The following ADAM23 variants were observed in gnomAD, a reference collection of about 807,000 sequenced individuals.
The protein encoded by ADAM23 is ADAM metallopeptidase domain 23.
ADAM23 carries 33 observed loss-of-function variants against 120.1 expected under a neutral mutation model. The ratio of observed to expected loss-of-function variants is 0.27; its 90% CI spans 0.21 to 0.37. The LOEUF is 0.37. Among genes scored for constraint, ADAM23 ranks in the 10% least tolerant of loss-of-function variants. ADAM23 has a pLI of 1.00. For missense variants in ADAM23, 862 were observed against 1,058.2 expected, an observed-to-expected ratio of 0.81 and a Z score of 2.57; for synonymous variants, 367 against 375.2, an observed-to-expected ratio of 0.98 and a Z score of 0.25.
At chr2:206,553,902 C>T (rs1280288909) in intron 9 of ADAM23, among the ~76,000 whole-genome samples, 2 of 152,060 alleles carry the variant, frequency 1.3e-5, no homozygotes, top group African/African-American at 4.8e-5. Context: ...TAATTCTCAC[C>T]TTCGGGTTGA....
chr2:206,596,131 C>T lies in ADAM23; in HGVS notation c.2328C>T (p.Asn776=). ...GCAGTATCCGGGATCCAGTTAGGAA[C>T]CTTCACCCCCCCAAGGATGAAGGAC... is the stretch of plus-strand genomic sequence containing the variant. ...TDCSIRDPVR[N]LHPPKDEGPK... is the part of the protein sequence containing the mutation. The change falls in exon 24 of 26, where the codon AAC becomes AAT. Residue 776 remains asparagine, a synonymous_variant. Transcript: ENST00000264377. 6.2e-7 allele frequency: 1 copy of T among 1,614,048 alleles called. No individual in the cohort carries two copies.
chr2:206,513,822 T>C (rs572391491), intron 3 of ADAM23, among the ~76,000 whole-genome samples: 78 of 152,332 alleles, frequency 5.1e-4, no homozygotes, highest in African/African-American at 1.7e-3. Flanking sequence ...AAGCCAGTGC[T>C]CATTTAGCAT....
rs1179469177 is a variant in ADAM23, at chr2:206,480,328, G to GGT, written c.433-901_433-900dup. Among the ~76,000 whole-genome samples the GGT allele has an allele frequency of 2.0e-5, 3 of 152,212 alleles. No homozygotes were observed. The East Asian group carries it at 5.8e-4, about 29-fold the overall frequency. ...GGGAGATGCCTGGTGTGTTCATGCT[G>GGT]GTGTCCAGTTACCATGCATGAAGCA... On this transcript the variant is annotated intron_variant, in intron 2 of 25. Coordinates refer to ENST00000264377, the MANE Select transcript of ADAM23 (RefSeq NM_003812.4).
At position 206,592,549 on chromosome 2, in the gene ADAM23, G is replaced by A. The variant is rs182079178; in HGVS notation, c.1959-68G>A. The A allele has an allele frequency of 3.4e-4, 533 of 1,560,030 alleles. 3 individuals are homozygous for A. In the African/African-American group the frequency reaches 6.4e-3, roughly 19 times the overall value. On this transcript the variant is annotated intron_variant, in intron 21 of 25. Coordinates refer to ENST00000264377, the MANE Select transcript of ADAM23 (RefSeq NM_003812.4). ...TTAAAAATTTGAATCAATGTGGACC[G>A]AATCGTTTTGATTTTTTGAGCTTGA...
intron 5 of ADAM23, 49 bp from the exon 6 acceptor site, chr2:206,543,204 T>C: frequency 6.5e-7 from 1 of 1,539,838 alleles, no homozygotes. Flanking sequence ...TTTCTTGCCA[T>C]TTCCTGTGTT....
chr2:206,553,517 T>C (rs1697576654), intron 9 of ADAM23, among the ~76,000 whole-genome samples: 1 of 152,164 alleles, frequency 6.6e-6, no homozygotes, highest in South Asian at 2.1e-4. Context: ...TTTAAAGAAA[T>C]AGTACTTCTT....
At chr2:206,510,240 A>C (rs1255264126) in intron 3 of ADAM23, among the ~76,000 whole-genome samples, 1 of 152,246 alleles carries the variant, frequency 6.6e-6, no homozygotes, top group Non-Finnish European at 1.5e-5. Flanking sequence ...AATTTAAAAG[A>C]AAAACAAATG....
chr2:206,566,761 A>C (rs1012743722), intron 14 of ADAM23, among the ~76,000 whole-genome samples: 8 of 152,136 alleles, frequency 5.3e-5, no homozygotes, highest in Middle Eastern at 3.4e-3. Flanking sequence ...GGCCTGCATG[A>C]TATAGTCTTT....
At chr2:206,498,653 G>C (rs1374875268) in intron 3 of ADAM23, among the ~76,000 whole-genome samples, 1 of 152,086 alleles carries the variant, frequency 6.6e-6, no homozygotes, top group Non-Finnish European at 1.5e-5. Flanking sequence ...TGACAAATGG[G>C]ATCTAATTAA....
chr2:206,596,031 C>T lies in ADAM23; in HGVS notation c.2248-20C>T, dbSNP rs1698518541. The T allele has an allele frequency of 1.3e-6, 2 of 1,577,586 alleles. No individual in the cohort carries two copies. Among genetic ancestry groups the T allele is most frequent in the South Asian group, 2.2e-5 (2 of 89,740 alleles). On this transcript the variant is annotated intron_variant, in intron 23 of 25. Coordinates refer to ENST00000264377, the MANE Select transcript of ADAM23 (RefSeq NM_003812.4). ...ACAAAATACAGTGAAAATGCCATAT[C>T]TGTTCCTTTTTCTTCACAGGTGTGT...
At chr2:206,449,949 C>T (rs943474677) in intron 2 of ADAM23, among the ~76,000 whole-genome samples, 2 of 152,116 alleles carry the variant, frequency 1.3e-5, no homozygotes, top group African/African-American at 4.8e-5. Flanking sequence ...TACCTACCAC[C>T]CCAGGTTGAA....
At chr2:206,454,721 T>G (rs1193382246) in intron 2 of ADAM23, among the ~76,000 whole-genome samples, 1 of 152,166 alleles carries the variant, frequency 6.6e-6, no homozygotes, top group African/African-American at 2.4e-5. Flanking sequence ...AGGGATACAT[T>G]GGCCAAAATA....
intron 24 of ADAM23, among the ~76,000 whole-genome samples, chr2:206,607,641 A>AAGTCTGTG (rs1280461104): frequency 3.0e-4 from 45 of 152,270 alleles, no homozygotes; most frequent in Non-Finnish European, 2.2e-4. Flanking sequence ...TGTGACAGGT[A>AAGTCTGTG]AGTCTGTGTA....
intron 3 of ADAM23, among the ~76,000 whole-genome samples, chr2:206,515,113 C>G (rs1696702937): frequency 6.6e-6 from 1 of 152,090 alleles, no homozygotes; most frequent in African/African-American, 2.4e-5. Flanking sequence ...TCTTTAGATT[C>G]ACTGTTGGTG....
intron 18 of ADAM23, among the ~76,000 whole-genome samples, chr2:206,583,390 G>C (rs1203605540): frequency 6.6e-6 from 1 of 151,524 alleles, no homozygotes; most frequent in Admixed American, 6.6e-5. Flanking sequence ...GGAGGCGGAG[G>C]TTGCAGTGAG....
In ADAM23 at chr2:206,473,572, A is replaced by AAATAATAATAT. The variant is rs1553547999; in HGVS notation, c.433-7650_433-7649insTAATAATAATA. On this transcript the variant is annotated intron_variant, in intron 2 of 25. Coordinates refer to ENST00000264377, the MANE Select transcript of ADAM23 (RefSeq NM_003812.4). Reference sequence around the variant, plus strand: ...GGCAACACAGTGAGACCCATCTCTAAAATAATAATAATAATAATAATAATA... The same window carrying AAATAATAATAT: ...GGCAACACAGTGAGACCCATCTCTAAAATAATAATATAATAATAATAATAATAATAATAATA... Among the ~76,000 whole-genome samples, 31 of 147,168 alleles carry AAATAATAATAT rather than the reference A, an allele frequency of 2.1e-4. 1 individual carries two copies. The highest frequency in any genetic ancestry group is 3.2e-3 in the Middle Eastern group (1 of 310).
intron 3 of ADAM23, among the ~76,000 whole-genome samples, chr2:206,493,320 T>G (rs1404933123): frequency 6.6e-6 from 1 of 152,254 alleles, no homozygotes; most frequent in African/African-American, 2.4e-5. Flanking sequence ...TCCATGAGCC[T>G]TAATATAATA....
At chr2:206,585,727 T>G (rs1237945224) in intron 18 of ADAM23, among the ~76,000 whole-genome samples, 1 of 152,106 alleles carries the variant, frequency 6.6e-6, no homozygotes, top group East Asian at 1.9e-4. Context: ...CATAGAATCC[T>G]GCTTGCATGG....
At chr2:206,496,392 T>C (rs1049266475) in intron 3 of ADAM23, among the ~76,000 whole-genome samples, 2 of 152,154 alleles carry the variant, frequency 1.3e-5, no homozygotes, top group Non-Finnish European at 2.9e-5. Flanking sequence ...AACCTGCTCC[T>C]GAATAACTAC....
Sources: gnomAD v4.1 joint callset for allele counts (sites outside exome capture counted in the v4.1 genomes callset) on GRCh38, gnomAD v4.1.1 for gene constraint, MANE v1.5 for transcripts, NCBI Gene and HGNC (gene_info 2026-07-23, HGNC 2026-07-21) for gene names.